The following STX8 variants were observed in gnomAD, a reference collection of about 807,000 sequenced individuals.
STX8 encodes syntaxin 8, also known as syntaxin-8.
Under a neutral mutation model 37.5 loss-of-function variants are expected in STX8, and 23 were observed. That is an observed-to-expected ratio of 0.61 (90% confidence interval 0.44 to 0.87). STX8 has a LOEUF of 0.87. STX8 is among the 40% of genes least tolerant of loss of function. The probability of loss-of-function intolerance (pLI) is 0.00; values close to 1 mark genes in which losing one functional copy is unlikely to be tolerated. For missense variants in STX8, 313 were observed against 284.7 expected (o/e 1.10, Z -0.71); for synonymous variants, 115 against 99.1 (o/e 1.16, Z -0.95).
chr17:9,297,241 CAAAAAAA>C (rs112089232), intron 7 of STX8, among the ~76,000 whole-genome samples: 2 of 90,908 alleles, frequency 2.2e-5, no homozygotes, highest in Admixed American at 1.2e-4. Context: ...CCAGAGTTTG[CAAAAAAA>C]AAAAAAAAAG....
Position 9,283,551 on chromosome 17 carries a change from CA to C in STX8, c.644-32907del, listed in dbSNP as rs1907967987. 3.3e-5 allele frequency among the ~76,000 whole-genome samples: 5 copies of C among 152,076 alleles called. No homozygotes were observed. The South Asian group carries it at 1.0e-3, about 32-fold the overall frequency. ...CGAGACTCCATCTCAAACAAACAAA[CA>C]AATAAAAGAAATAGAATTCTCAGTG... On this transcript the variant is annotated intron_variant, in intron 7 of 7. Coordinates refer to ENST00000306357, the MANE Select transcript of STX8 (RefSeq NM_004853.3).
intron 7 of STX8, among the ~76,000 whole-genome samples, chr17:9,306,696 C>T (rs192993675): frequency 3.3e-5 from 5 of 149,990 alleles, no homozygotes; most frequent in South Asian, 4.3e-4. Flanking sequence ...ACCCAGAAGG[C>T]GGAGGTTGCA....
At chr17:9,487,651 G>A (rs1278550458) in intron 6 of STX8, among the ~76,000 whole-genome samples, 2 of 152,004 alleles carry the variant, frequency 1.3e-5, no homozygotes, top group East Asian at 3.9e-4. Context: ...CACTGGCAAC[G>A]AATGGAAAAA....
intron 7 of STX8, among the ~76,000 whole-genome samples, chr17:9,259,669 C>T (rs377639583): frequency 7.9e-5 from 12 of 152,084 alleles, no homozygotes; most frequent in African/African-American, 2.9e-4. Context: ...GCCAAGTGGA[C>T]ACCAGGTGAG....
At chr17:9,314,663 C>T (rs1409407953) in intron 7 of STX8, among the ~76,000 whole-genome samples, 1 of 150,720 alleles carries the variant, frequency 6.6e-6, no homozygotes, top group Non-Finnish European at 1.5e-5. Flanking sequence ...CTGCCTTGGC[C>T]TCCCAAAGTG....
chr17:9,447,299 T>C (rs1904883818), intron 6 of STX8, among the ~76,000 whole-genome samples: 1 of 152,232 alleles, frequency 6.6e-6, no homozygotes. Flanking sequence ...CATTTTAAAT[T>C]ACAAGAATGA....
intron 6 of STX8, among the ~76,000 whole-genome samples, chr17:9,452,760 C>T (rs945250210): frequency 3.3e-5 from 5 of 151,620 alleles, no homozygotes; most frequent in Admixed American, 2.0e-4. Context: ...TAAAAATCTA[C>T]TTGGGAAGTT....
chr17:9,391,412 A>AT lies in STX8; in HGVS notation c.542-12760dup, dbSNP rs1238820532. ...GGTTGCAGTGAGCGGAGATCATGCC[A>AT]TTGCACTCCAGCCTGGACATCACAG... On this transcript the variant is annotated intron_variant, in intron 6 of 7. Transcript: ENST00000306357. Among the ~76,000 whole-genome samples the AT allele has an allele frequency of 2.0e-5, 3 of 152,122 alleles. No homozygotes were observed. The East Asian group carries it at 5.8e-4, about 29-fold the overall frequency.
chr17:9,511,816 C>T lies in STX8; in HGVS notation c.324-6654G>A, dbSNP rs192983460. ...TCAAATTGTTTCTGTTTGCAGAAAA[C>T]ATGATCTTATAGAGAGAAAAGCCTA... On this transcript the variant is annotated intron_variant, in intron 4 of 7. Coordinates refer to ENST00000306357, the MANE Select transcript of STX8 (RefSeq NM_004853.3). Among the ~76,000 whole-genome samples, 8 of 152,000 alleles carry T rather than the reference C, an allele frequency of 5.3e-5. No homozygotes were observed. In the East Asian group the frequency reaches 1.5e-3, roughly 29 times the overall value.
intron 5 of STX8, among the ~76,000 whole-genome samples, chr17:9,498,611 T>A (rs1480257984): frequency 6.6e-6 from 1 of 152,212 alleles, no homozygotes; most frequent in Non-Finnish European, 1.5e-5. Context: ...GGTTAGCTAC[T>A]AAGATTCCCC....
intron 7 of STX8, among the ~76,000 whole-genome samples, chr17:9,278,130 T>A (rs925677700): frequency 2.0e-5 from 3 of 151,968 alleles, no homozygotes; most frequent in Admixed American, 2.0e-4. Flanking sequence ...AATGGGGTGG[T>A]GGCAGTGGAG....
intron 7 of STX8, among the ~76,000 whole-genome samples, chr17:9,330,097 G>C (rs1213957869): frequency 6.6e-6 from 1 of 152,180 alleles, no homozygotes; most frequent in Non-Finnish European, 1.5e-5. Context: ...GATGGGCAGG[G>C]AGAGAGAAAC....
chr17:9,359,045 T>C (rs1910972922), intron 7 of STX8, among the ~76,000 whole-genome samples: 2 of 151,708 alleles, frequency 1.3e-5, no homozygotes, highest in South Asian at 4.1e-4. Context: ...GGCTTTTTTT[T>C]TTCTTTTTTT....
chr17:9,536,316 G>A (rs1906051301), intron 4 of STX8, among the ~76,000 whole-genome samples: 1 of 152,156 alleles, frequency 6.6e-6, no homozygotes, highest in Admixed American at 6.5e-5. Context: ...CGAGTATCGG[G>A]AGATGAAGGG....
chr17:9,325,606 G>A (rs1004725753), intron 7 of STX8, among the ~76,000 whole-genome samples: 2 of 152,246 alleles, frequency 1.3e-5, no homozygotes, highest in Non-Finnish European at 1.5e-5. Flanking sequence ...GCGATGGGCT[G>A]CGCGAATTAC....
intron 7 of STX8, among the ~76,000 whole-genome samples, chr17:9,359,462 A>C (rs1910988543): frequency 6.6e-6 from 1 of 151,420 alleles, no homozygotes; most frequent in Non-Finnish European, 1.5e-5. Context: ...CATCACCCAC[A>C]AACTTAAGAG....
At chr17:9,308,253 C>T (rs1047733416) in intron 7 of STX8, among the ~76,000 whole-genome samples, 1 of 152,198 alleles carries the variant, frequency 6.6e-6, no homozygotes, top group Non-Finnish European at 1.5e-5. Context: ...GACATTCCTT[C>T]CTCCCGGGGA....
intron 7 of STX8, among the ~76,000 whole-genome samples, chr17:9,284,476 C>A (rs937169354): frequency 1.3e-5 from 2 of 152,198 alleles, no homozygotes; most frequent in African/African-American, 4.8e-5. Context: ...CAATGGTCTG[C>A]ACCCTGGAGA....
intron 7 of STX8, among the ~76,000 whole-genome samples, chr17:9,340,033 C>T (rs1910290404): frequency 6.6e-6 from 1 of 152,212 alleles, no homozygotes. Flanking sequence ...CCGCGGGATC[C>T]TCCCATAGCA....
Sources: gnomAD v4.1 joint callset for allele counts (sites outside exome capture counted in the v4.1 genomes callset) on GRCh38, gnomAD v4.1.1 for gene constraint, MANE v1.5 for transcripts, NCBI Gene and HGNC (gene_info 2026-07-23, HGNC 2026-07-21) for gene names.